Variants in SHARPIN observed in about 807,000 individuals in gnomAD.
SHARPIN encodes SHANK associated RH domain interactor.
SHARPIN carries 25 observed loss-of-function variants against 40.3 expected under a neutral mutation model. The observed-to-expected ratio is 0.62, with a 90% CI of 0.45 to 0.87. The LOEUF (loss-of-function observed/expected upper bound fraction) is 0.87, where lower values mean the gene tolerates loss of function less well. SHARPIN is among the 40% of genes least tolerant of loss of function. The pLI is 0.00. For missense variants in SHARPIN, 551 were observed against 516.1 expected (o/e 1.07, Z -0.66); for synonymous variants, 274 against 221.8 (o/e 1.24, Z -2.09).
rs373073956 is a variant in SHARPIN, at chr8:144,099,571, G to A, written c.707C>T (p.Ser236Phe). ...GACCTGCAGGGCAACGTGTGCAGAG[G>A]ACGCGGCGGATGCGGCAGAGGCAGC... is the stretch of plus-strand genomic sequence containing the variant. ...EDAASAASAA[S>F]SAHVALQVHP... Residue 236 changes from serine (S) to phenylalanine (F), a missense_variant, in exon 5 of 9, where the codon TCC becomes TTC. By Grantham distance (155) the Ser-to-Phe change is radical (BLOSUM62 -2). Transcript: ENST00000398712. The A allele has an allele frequency of 2.1e-5, 34 of 1,614,028 alleles. No homozygotes were observed. Among genetic ancestry groups the A allele is most frequent in the Non-Finnish European group, 2.9e-5 (34 of 1,180,024 alleles).
At position 144,099,006 on chromosome 8, in the gene SHARPIN, G is replaced by A; in HGVS notation, c.1048-12C>T. On this transcript the variant is annotated splice_polypyrimidine_tract_variant and intron_variant, in intron 7 of 8. Coordinates refer to ENST00000398712, the MANE Select transcript of SHARPIN (RefSeq NM_030974.4). ...CAGGACCAGCTGGGCTGGGGGAAGA[G>A]AGACAGTTGTTGCTTCCCTGCTCTT... 1 of 1,601,052 alleles carries A rather than the reference G, an allele frequency of 6.2e-7. No individual in the cohort carries two copies. The highest frequency in any genetic ancestry group is 2.2e-5 in the East Asian group (1 of 44,778).
intron 1 of SHARPIN, 99 bp downstream of exon 1, chr8:144,103,454 C>T (rs1188927911): frequency 7.7e-7 from 1 of 1,305,164 alleles, no homozygotes; most frequent in Non-Finnish European, 1.1e-6. Context: ...AACATAACTG[C>T]TTAAGGGCAC....
chr8:144,099,172 A>G lies in SHARPIN; in HGVS notation c.956T>C (p.Met319Thr), dbSNP rs1288121306. Residue 319 changes from methionine (M) to threonine (T), a missense_variant, in exon 7 of 9, where the codon ATG becomes ACG. Met to Thr is a moderately conservative substitution (Grantham distance 81). Transcript: ENST00000398712. ...AAACAAGCGTCCAAGTTCCCCGTCCATCTTCTGGGGGTGCTGAGGGCTAGG... is the reference window on the plus strand; with the variant it reads ...AAACAAGCGTCCAAGTTCCCCGTCCGTCTTCTGGGGGTGCTGAGGGCTAGG... ...TGPSPQHPQK[M>T]DGELGRLFPP... 6.3e-7 allele frequency: 1 copy of G among 1,592,204 alleles called. No individual in the cohort carries two copies. The highest frequency in any genetic ancestry group is 8.5e-7 in the Non-Finnish European group (1 of 1,170,758).
Position 144,103,159 on chromosome 8 carries a change from G to A in SHARPIN, c.268C>T (p.Gln90Ter), listed in dbSNP as rs201396757. 2.8e-5 allele frequency: 45 copies of A among 1,613,622 alleles called. No homozygotes were observed. The highest frequency in any genetic ancestry group is 3.6e-5 in the Non-Finnish European group (42 of 1,179,990). The change falls in exon 2 of 9, where the codon CAG (glutamine) becomes TAG (stop). Residue 90 changes from glutamine to a stop codon, truncating the protein, a stop_gained. Transcript: ENST00000398712. LOFTEE classifies it high-confidence loss of function. The stretch of plus-strand genomic sequence containing the variant: ...GTTCCAGGCCCTCCTGGTGGAGGCT[G>A]TAGCTCGTGCTGGGTGGGGCCTCGG... ...TIRGPTQHEL[Q>*]PPPGGPGTLS...
chr8:144,102,098 C>G (rs904362770), intron 2 of SHARPIN, among the ~76,000 whole-genome samples: 3 of 152,100 alleles, frequency 2.0e-5, no homozygotes, highest in Non-Finnish European at 2.9e-5. Flanking sequence ...GAGCCAGGGG[C>G]AGTGGCTCAT....
chr8:144,101,403 ATTTTTT>A (rs34270727), intron 2 of SHARPIN, among the ~76,000 whole-genome samples: 1 of 92,420 alleles, frequency 1.1e-5, no homozygotes, highest in African/African-American at 4.5e-5. Context: ...CACTCAGCTA[ATTTTTT>A]TTTTTTTTTT....
At position 144,103,093 on chromosome 8, in the gene SHARPIN, A is replaced by C. The variant is rs2129998911; in HGVS notation, c.334T>G (p.Trp112Gly). Residue 112 changes from tryptophan (W) to glycine (G), a missense_variant, in exon 2 of 9, where the codon TGG becomes GGG. By Grantham distance (184) the Trp-to-Gly change is radical. Transcript: ENST00000398712. ...GTGGCACCTCGGACTAGGACTGCCCACCGCTGAGCTTCCTGAGGGTTGAGG... is the reference window on the plus strand; with the variant it reads ...GTGGCACCTCGGACTAGGACTGCCCCCCGCTGAGCTTCCTGAGGGTTGAGG... ...HFLNPQEAQR[W>G]AVLVRGATVE... 6.2e-7 allele frequency: 1 copy of C among 1,607,722 alleles called. No individual in the cohort carries two copies. Among genetic ancestry groups the C allele is most frequent in the South Asian group, 1.1e-5 (1 of 90,742 alleles).
chr8:144,103,042 G>A lies in SHARPIN; in HGVS notation c.376+9C>T, dbSNP rs781621683. On this transcript the variant is annotated intron_variant, in intron 2 of 8. Transcript: ENST00000398712. ...CAAATTGTAATTGTATCCATTACAG[G>A]GCACTGACCATTCTGTCCTTCCACG... 21 of 1,613,058 alleles carry A rather than the reference G, an allele frequency of 1.3e-5. No individual in the cohort carries two copies. In the East Asian group the frequency reaches 3.6e-4, roughly 27 times the overall value.
At position 144,103,633 on chromosome 8, in the gene SHARPIN, G is replaced by A. The variant is rs1314592132; in HGVS notation, c.121C>T (p.Leu41=). The A allele has an allele frequency of 7.9e-6, 12 of 1,526,758 alleles. No homozygotes were observed. Among genetic ancestry groups the A allele is most frequent in the Non-Finnish European group, 1.0e-5 (12 of 1,143,494 alleles). 94.6% of individuals were successfully genotyped at this position (1,526,758 alleles called of 1,614,324 possible). The change falls in exon 1 of 9, where the codon CTG becomes TTG. Residue 41 remains leucine (L), a synonymous_variant. Transcript: ENST00000398712. Reference sequence around the variant, plus strand: ...TCCGCGCTCAGCTGCAGCCTCCGCAGCTGTGCCTCGGCGTCTGGCCCGGCG... The same window carrying A: ...TCCGCGCTCAGCTGCAGCCTCCGCAACTGTGCCTCGGCGTCTGGCCCGGCG... The part of the protein sequence containing the change: ...LGAGPDAEAQ[L]RRLQLSADPE...
chr8:144,099,178 T>G lies in SHARPIN; in HGVS notation c.950A>C (p.Gln317Pro). The G allele has an allele frequency of 6.3e-7, 1 of 1,594,324 alleles. No individual in the cohort carries two copies. Among genetic ancestry groups the G allele is most frequent in the Non-Finnish European group, 8.5e-7 (1 of 1,171,876 alleles). The part of the protein sequence containing the change: ...PATGPSPQHP[Q>P]KMDGELGRLF... ...GCGTCCAAGTTCCCCGTCCATCTTC[T>G]GGGGGTGCTGAGGGCTAGGTCCTGT... is the stretch of plus-strand genomic sequence containing the variant. The change falls in exon 7 of 9, where the codon CAG (glutamine) becomes CCG (proline). Residue 317 changes from glutamine to proline, a missense_variant. Transcript: ENST00000398712.
chr8:144,101,327 C>G (rs1354761013), intron 2 of SHARPIN, among the ~76,000 whole-genome samples: 1 of 151,898 alleles, frequency 6.6e-6, no homozygotes, highest in African/African-American at 2.4e-5. Flanking sequence ...GCCTAGAACC[C>G]CTGGGCTCAA....
Position 144,103,750 on chromosome 8 carries a change from C to A in SHARPIN, c.4G>T (p.Ala2Ser), listed in dbSNP as rs759043093. The change falls in exon 1 of 9, where the codon GCG becomes TCG. Residue 2 changes from alanine (A) to serine (S), a missense_variant. Ala to Ser is a moderately conservative substitution (Grantham distance 99). Coordinates refer to ENST00000398712, the MANE Select transcript of SHARPIN (RefSeq NM_030974.4). M[A>S]PPAGGAAAAA... ...GCCGCCGCCCCGCCCGCTGGCGGCGCCATCTCCGGTCCGGCCGGGTCCCAC... is the reference window on the plus strand; with the variant it reads ...GCCGCCGCCCCGCCCGCTGGCGGCGACATCTCCGGTCCGGCCGGGTCCCAC... The A allele has an allele frequency of 7.7e-5, 106 of 1,376,418 alleles. 1 individual carries two copies. In the South Asian group the frequency reaches 1.5e-3, roughly 20 times the overall value. The allele number at this position is 1,376,418 out of a possible 1,614,324, so 85.3% of individuals were successfully genotyped here.
chr8:144,100,840 C>CT (rs35333153), intron 2 of SHARPIN: 124,006 of 144,584 alleles, frequency 0.86, 53,850 homozygotes, highest in East Asian at 0.99. Flanking sequence ...CCTGCCACCA[C>CT]TTTTTTTTTT....
rs1162805311 is a variant in SHARPIN at position 144,100,010 on chromosome 8, T to TG, written c.435dup (p.Ser146GlnfsTer14). On this transcript the variant is annotated frameshift_variant, in exon 3 of 9. Coordinates refer to ENST00000398712, the MANE Select transcript of SHARPIN (RefSeq NM_030974.4). LOFTEE classifies it high-confidence loss of function. ...TTGAGTGTGGAGGCTTCCGGGGGAC[T>TG]GGGCAGGGAGACAGGGCATGCTTCT... The TG allele has an allele frequency of 3.7e-6, 6 of 1,604,330 alleles. No homozygotes were observed. Among genetic ancestry groups the TG allele is most frequent in the African/African-American group, 1.3e-5 (1 of 74,540 alleles).
In SHARPIN at chr8:144,098,690, G is replaced by A; in HGVS notation, c.*111C>T. On this transcript the variant is annotated 3_prime_UTR_variant, in exon 9 of 9. Coordinates refer to ENST00000398712, the MANE Select transcript of SHARPIN (RefSeq NM_030974.4). ...TTTTGTGGCCCTTCCCCCCAACCCT[G>A]GTGACTGTCCCAGCAAGCAGTCAGT... is the stretch of plus-strand genomic sequence containing the variant. 2 of 504,948 alleles carry A rather than the reference G, an allele frequency of 4.0e-6. No homozygotes were observed. Among genetic ancestry groups the A allele is most frequent in the Non-Finnish European group, 7.0e-6 (2 of 287,518 alleles). 31.3% of individuals were successfully genotyped at this position (504,948 alleles called of 1,614,324 possible). A position where few individuals can be genotyped will look rare whatever the true frequency, so the allele number is the denominator to read the frequency against.
In SHARPIN at chr8:144,103,736, G is replaced by T; in HGVS notation, c.18C>A (p.Gly6=). ...AGTCCGAGGCCGCCGCCGCCGCCCC[G>T]CCCGCTGGCGGCGCCATCTCCGGTC... MAPPA[G]GAAAAASDLG... The change falls in exon 1 of 9, where the codon GGC becomes GGA. Residue 6 remains glycine (G), a synonymous_variant. Transcript: ENST00000398712. 3 of 1,382,780 alleles carry T rather than the reference G, an allele frequency of 2.2e-6. No individual in the cohort carries two copies. The highest frequency in any genetic ancestry group is 2.8e-6 in the Non-Finnish European group (3 of 1,074,792). 85.7% of individuals were successfully genotyped at this position (1,382,780 alleles called of 1,614,324 possible). A position where few individuals can be genotyped will look rare whatever the true frequency, so the allele number is the denominator to read the frequency against.
At chr8:144,100,751 T>G (rs1477352807) in intron 2 of SHARPIN, 1 of 153,044 alleles carries the variant, frequency 6.5e-6, no homozygotes, top group Non-Finnish European at 1.5e-5. Context: ...ACCTCAGGGT[T>G]TGTTTGCTGC....
In SHARPIN at chr8:144,103,718, G is replaced by GGCC. The variant is rs1448452942; in HGVS notation, c.33_35dup (p.Ala12dup). ...GCACTGCGGCGGAGCCCAAGTCCGA[G>GGCC]GCCGCCGCCGCCGCCCCGCCCGCTG... On this transcript the variant is annotated inframe_insertion, in exon 1 of 9. Transcript: ENST00000398712. 142 of 1,406,856 alleles carry GGCC rather than the reference G, an allele frequency of 1.0e-4. 1 individual carries two copies. In the African/African-American group the frequency reaches 1.1e-3, roughly 11 times the overall value. 87.1% of individuals were successfully genotyped at this position (1,406,856 alleles called of 1,614,324 possible).
At position 144,099,856 on chromosome 8, in the gene SHARPIN, G is replaced by T; in HGVS notation, c.518-12C>A. The T allele has an allele frequency of 6.2e-7, 1 of 1,612,204 alleles. No individual in the cohort carries two copies. Among genetic ancestry groups the T allele is most frequent in the Non-Finnish European group, 8.5e-7 (1 of 1,179,904 alleles). On this transcript the variant is annotated splice_polypyrimidine_tract_variant and intron_variant, in intron 3 of 8. Transcript: ENST00000398712. ...CCCTGCCAGCTCTTCTGCAGGGTAA[G>T]GAAAGGACAGCTGTCACCACTGGGG... is the stretch of plus-strand genomic sequence containing the variant.
Sources: gnomAD v4.1 joint callset for allele counts (sites outside exome capture counted in the v4.1 genomes callset) on GRCh38, gnomAD v4.1.1 for gene constraint, MANE v1.5 for transcripts, NCBI Gene and HGNC (gene_info 2026-07-23, HGNC 2026-07-21) for gene names.